POM121L2: variants seen among roughly 807,000 people sequenced by gnomAD.
POM121L2 encodes POM121 transmembrane nucleoporin like 2.
For synonymous variants in POM121L2, 459 were observed against 483.8 expected, an observed-to-expected ratio of 0.95 and a Z score of 0.67; for missense variants, 1,167 against 1,260.3, an observed-to-expected ratio of 0.93 and a Z score of 1.12.
At position 27,311,401 on chromosome 6, in the gene POM121L2, C is replaced by A; in HGVS notation, c.770G>T (p.Gly257Val). 1 of 1,551,762 alleles carries A rather than the reference C, an allele frequency of 6.4e-7. No homozygotes were observed. Among genetic ancestry groups the A allele is most frequent in the Non-Finnish European group, 8.7e-7 (1 of 1,147,012 alleles). ...ATTTCTGCAAGAGCTGTAAGAGCTG[C>A]CAATAGCATTCCTTTTGGAGCTGAG... ...GTLSSKRNAI[G>V]SSYSSCRNFS... is the part of the protein sequence containing the mutation. The change falls in exon 1 of 1, where the codon GGC (glycine) becomes GTC (valine). Residue 257 changes from glycine (G) to valine (V), a missense_variant. Coordinates refer to ENST00000444565, the MANE Select transcript of POM121L2 (RefSeq NM_033482.4).
At position 27,311,237 on chromosome 6, in the gene POM121L2, CAGATCCTCCT is replaced by C; in HGVS notation, c.66_75del (p.Gly23LysfsTer38). ...TTCTGGTTTTGCTGCCCAGAACTTT[CAGATCCTCCT>C]AGGGACTCAAAATCTGATACCAGTG... On this transcript the variant is annotated frameshift_variant, in exon 1 of 2. Transcript: ENST00000429945. LOFTEE classifies it high-confidence loss of function. 1 of 1,551,914 alleles carries C rather than the reference CAGATCCTCCT, an allele frequency of 6.4e-7. No individual in the cohort carries two copies. The highest frequency in any genetic ancestry group is 1.7e-4 in the Middle Eastern group (1 of 5,992).
At chr6:27,310,517 AAT>A in intron 1 of POM121L2, 2 of 1,552,288 alleles carry the variant, frequency 1.3e-6, no homozygotes, top group Non-Finnish European at 1.7e-6. Context: ...GAAATTCTGG[AAT>A]ATGAGGAGCT....
chr6:27,308,975 T>A lies in POM121L2; in HGVS notation c.*88A>T. On this transcript the variant is annotated 3_prime_UTR_variant, in exon 1 of 1. Transcript: ENST00000444565. ...AAGCTCCAGTTTTAGATCTGGAGTA[T>A]GTTTACTTTAGAAAATTGGAAGACA... 3.1e-6 allele frequency: 3 copies of A among 973,138 alleles called. No homozygotes were observed. The highest frequency in any genetic ancestry group is 4.5e-6 in the Non-Finnish European group (3 of 662,248). 60.3% of individuals were successfully genotyped at this position (973,138 alleles called of 1,614,324 possible). A position where few individuals can be genotyped will look rare whatever the true frequency, so the allele number is the denominator to read the frequency against.
rs1189180934 is a variant in POM121L2 at position 27,312,008 on chromosome 6, G to C, written c.163C>G (p.Pro55Ala). 2 of 1,544,180 alleles carry C rather than the reference G, an allele frequency of 1.3e-6. No homozygotes were observed. The highest frequency in any genetic ancestry group is 1.8e-6 in the Non-Finnish European group (2 of 1,142,272). The change falls in exon 1 of 1, where the codon CCT becomes GCT. Residue 55 changes from proline (P) to alanine (A), a missense_variant. Coordinates refer to ENST00000444565, the MANE Select transcript of POM121L2 (RefSeq NM_033482.4). This position sits in a 1 kb window ranked among gnomAD's most constrained non-coding sequence, Gnocchi z 6.7. ...HRAHPAPRYR[P>A]VRRRPNLDPA... Reference sequence around the variant, plus strand: ...TCCAGGTTTGGCCGCCTCCTCACAGGTCTATACCGTGGGGCAGGGTGGGCG... The same window carrying C: ...TCCAGGTTTGGCCGCCTCCTCACAGCTCTATACCGTGGGGCAGGGTGGGCG...
In POM121L2 at chr6:27,310,366, G is replaced by A. The variant is rs1166638728; in HGVS notation, c.1805C>T (p.Pro602Leu). Residue 602 changes from proline (P) to leucine (L), a missense_variant, in exon 1 of 1, where the codon CCT becomes CTT. Pro to Leu is a moderately conservative substitution (Grantham distance 98). Coordinates refer to ENST00000444565, the MANE Select transcript of POM121L2 (RefSeq NM_033482.4). The stretch of plus-strand genomic sequence containing the variant: ...GGTAGAAGCATGAGTAAATGGAGGA[G>A]GGGTCTGCTTGGAGGAGAAAGGAGC... ...MIAPFSSKQTPPPFTHASTHH... is the reference protein window; with the variant it reads ...MIAPFSSKQTLPPFTHASTHH... 5.2e-6 allele frequency: 8 copies of A among 1,552,068 alleles called. No individual in the cohort carries two copies. In the African/African-American group the frequency reaches 1.1e-4, roughly 21 times the overall value.
At position 27,311,132 on chromosome 6, in the gene POM121L2, C is replaced by T; in HGVS notation, c.1039G>A (p.Glu347Lys). 6.4e-7 allele frequency: 1 copy of T among 1,551,842 alleles called. No individual in the cohort carries two copies. Among genetic ancestry groups the T allele is most frequent in the Admixed American group, 2.0e-5 (1 of 50,994 alleles). Residue 347 changes from glutamate (E) to lysine (K), a missense_variant, in exon 1 of 1, where the codon GAG becomes AAG. Coordinates refer to ENST00000444565, the MANE Select transcript of POM121L2 (RefSeq NM_033482.4). ...GCTTTCTTCCCCAAAGTCAAGTTCT[C>T]ATCAGAGACTGCATAACCAAGCTGG... ...PPQLGYAVSDENLTLGKKAEL... is the reference protein window; with the variant it reads ...PPQLGYAVSDKNLTLGKKAEL...
chr6:27,311,678 C>T lies in POM121L2; in HGVS notation c.493G>A (p.Glu165Lys). The change falls in exon 1 of 1, where the codon GAG becomes AAG. Residue 165 changes from glutamate to lysine, a missense_variant. Transcript: ENST00000444565. ...AACCTCCCTTTCCCTTTTCTGCACT[C>T]TCTGAGGGCCCTCAACACTGTCTCC... ...SKETVLRALRECRKGKGRLEE... is the reference protein window; with the variant it reads ...SKETVLRALRKCRKGKGRLEE... 3 of 1,551,914 alleles carry T rather than the reference C, an allele frequency of 1.9e-6. No homozygotes were observed. Among genetic ancestry groups the T allele is most frequent in the Non-Finnish European group, 2.6e-6 (3 of 1,147,038 alleles).
In POM121L2 at chr6:27,310,162, G is replaced by A. The variant is rs1278582357; in HGVS notation, c.2009C>T (p.Ala670Val). 5 of 1,551,878 alleles carry A rather than the reference G, an allele frequency of 3.2e-6. No individual in the cohort carries two copies. In the East Asian group the frequency reaches 7.3e-5, roughly 23 times the overall value. ...GGTGAAGTCGGCCCTGAAGGCCTGAGCAGTCCCAAGCAGGAAAGTGTCGCA... is the reference window on the plus strand; with the variant it reads ...GGTGAAGTCGGCCCTGAAGGCCTGAACAGTCCCAAGCAGGAAAGTGTCGCA... ...STCDTFLLGT[A>V]QAFRADFTPA... is the part of the protein sequence containing the mutation. The change falls in exon 1 of 1, where the codon GCT becomes GTT. Residue 670 changes from alanine (A) to valine (V), a missense_variant. Physicochemically the swap from Ala to Val is moderately conservative, Grantham distance 64 (BLOSUM62 0). Transcript: ENST00000444565.
At position 27,309,714 on chromosome 6, in the gene POM121L2, G is replaced by T; in HGVS notation, c.2457C>A (p.Ala819=). ...PTPMPTPAQP[A]FISTTQSALG... ...AGGCTGACTGTGTGGTACTAATGAA[G>T]GCTGGCTGAGCTGGAGTTGGCATGG... is the stretch of plus-strand genomic sequence containing the variant. The change falls in exon 1 of 1, where the codon GCC becomes GCA. Residue 819 remains alanine, a synonymous_variant. Transcript: ENST00000444565. 1 of 1,551,732 alleles carries T rather than the reference G, an allele frequency of 6.4e-7. No individual in the cohort carries two copies. The highest frequency in any genetic ancestry group is 8.7e-7 in the Non-Finnish European group (1 of 1,146,998).
At position 27,309,460 on chromosome 6, in the gene POM121L2, C is replaced by T; in HGVS notation, c.2711G>A (p.Gly904Glu). ...CATGTCTGGACCAGTCATTATGATC[C>T]CAGACTCATCACAGTCCATAGGGGT... ...FVTPMDCDES[G>E]IIMTGPDMSP... Residue 904 changes from glycine (G) to glutamate (E), a missense_variant, in exon 1 of 1, where the codon GGG (glycine) becomes GAG (glutamate). By Grantham distance (98) the Gly-to-Glu change is moderately conservative. Coordinates refer to ENST00000444565, the MANE Select transcript of POM121L2 (RefSeq NM_033482.4). The T allele has an allele frequency of 6.4e-7, 1 of 1,551,602 alleles. No individual in the cohort carries two copies. The highest frequency in any genetic ancestry group is 1.4e-5 in the African/African-American group (1 of 73,144).
upstream of POM121L2, chr6:27,312,130 G>GTC: frequency 6.9e-7 from 1 of 1,457,262 alleles, no homozygotes; most frequent in Non-Finnish European, 9.1e-7. This position sits in a 1 kb window ranked among gnomAD's most constrained non-coding sequence, Gnocchi z 6.7. Flanking sequence ...CTGGGCTGGG[G>GTC]ACGAGGGCGA....
In POM121L2 at chr6:27,311,898, A is replaced by C; in HGVS notation, c.273T>G (p.Pro91=). 1 of 1,551,718 alleles carries C rather than the reference A, an allele frequency of 6.4e-7. No homozygotes were observed. Among genetic ancestry groups the C allele is most frequent in the South Asian group, 1.2e-5 (1 of 84,060 alleles). The part of the protein sequence containing the change: ...MKKSQNSPLG[P]LPSDWWESYL... ...AACTTTCCCACCAGTCTGAAGGGAGAGGCCCCAGGGGGGAATTCTGGGACT... is the reference window on the plus strand; with the variant it reads ...AACTTTCCCACCAGTCTGAAGGGAGCGGCCCCAGGGGGGAATTCTGGGACT... Residue 91 remains proline, a synonymous_variant, in exon 1 of 1, where the codon CCT becomes CCG. Coordinates refer to ENST00000444565, the MANE Select transcript of POM121L2 (RefSeq NM_033482.4).
Position 27,310,404 on chromosome 6 carries a change from A to C in POM121L2, c.1767T>G (p.Thr589=). The C allele has an allele frequency of 6.4e-7, 1 of 1,552,162 alleles. No individual in the cohort carries two copies. Reference sequence around the variant, plus strand: ...AGGAGAAAGGAGCTATCATGGGCGTAGTTTTAAGTGGATCTATGCTGCCAA... The same window carrying C: ...AGGAGAAAGGAGCTATCATGGGCGTCGTTTTAAGTGGATCTATGCTGCCAA... The part of the protein sequence containing the change: ...PIFGSIDPLK[T]TPMIAPFSSK... Residue 589 remains threonine, a synonymous_variant, in exon 1 of 1, where the codon ACT becomes ACG. Coordinates refer to ENST00000444565, the MANE Select transcript of POM121L2 (RefSeq NM_033482.4).
At position 27,310,135 on chromosome 6, in the gene POM121L2, G is replaced by C. The variant is rs1425049654; in HGVS notation, c.2036C>G (p.Pro679Arg). The change falls in exon 1 of 1, where the codon CCA becomes CGA. Residue 679 changes from proline (P) to arginine (R), a missense_variant. Physicochemically the swap from Pro to Arg is moderately radical, Grantham distance 103. Transcript: ENST00000444565. ...TAQAFRADFT[P>R]ATGFIFPPHH... ...TGGTGGGAAAATGAATCCTGTGGCT[G>C]GGGTGAAGTCGGCCCTGAAGGCCTG... 1 of 1,551,958 alleles carries C rather than the reference G, an allele frequency of 6.4e-7. No homozygotes were observed. The highest frequency in any genetic ancestry group is 2.0e-5 in the Admixed American group (1 of 51,010).
At position 27,310,999 on chromosome 6, in the gene POM121L2, G is replaced by A. The variant is rs1760737961; in HGVS notation, c.1172C>T (p.Pro391Leu). The change falls in exon 1 of 1, where the codon CCT becomes CTT. Residue 391 changes from proline to leucine, a missense_variant. Transcript: ENST00000444565. ...CTGGGTTAGATCTGTTTCTGAAGAA[G>A]GCAGAGCAAGAGACAAGGAAGGCTG... ...AIQPSLSLALPSSETDLTQGA... is the reference protein window; with the variant it reads ...AIQPSLSLALLSSETDLTQGA... 1 of 1,552,126 alleles carries A rather than the reference G, an allele frequency of 6.4e-7. No homozygotes were observed. The highest frequency in any genetic ancestry group is 2.0e-5 in the Admixed American group (1 of 50,986).
chr6:27,309,737 T>C lies in POM121L2; in HGVS notation c.2434A>G (p.Met812Val), dbSNP rs1400360289. 6.4e-7 allele frequency: 1 copy of C among 1,551,604 alleles called. No individual in the cohort carries two copies. Among genetic ancestry groups the C allele is most frequent in the Non-Finnish European group, 8.7e-7 (1 of 1,146,968 alleles). ...AAGGCTGGCTGAGCTGGAGTTGGCA[T>C]GGGGGTTGGCAATGCCACTGCTGAG... Reference protein sequence around the residue: ...GSSAVALPTPMPTPAQPAFIS... With the variant: ...GSSAVALPTPVPTPAQPAFIS... The change falls in exon 1 of 1, where the codon ATG becomes GTG. Residue 812 changes from methionine to valine, a missense_variant. Met to Val is a conservative substitution (Grantham distance 21, BLOSUM62 1). Coordinates refer to ENST00000444565, the MANE Select transcript of POM121L2 (RefSeq NM_033482.4).
chr6:27,308,742 T>C lies in POM121L2; in HGVS notation c.*321A>G, dbSNP rs1403518994. ...TGTTCTAATTGATAGACATTCAACT[T>C]ATTTGGAAAGTCTGGATATTATAGA... On this transcript the variant is annotated 3_prime_UTR_variant, in exon 1 of 1. Transcript: ENST00000444565. Among the ~76,000 whole-genome samples the C allele has an allele frequency of 6.6e-6, 1 of 152,144 alleles. No individual in the cohort carries two copies. The highest frequency in any genetic ancestry group is 6.5e-5 in the Admixed American group (1 of 15,280).
Position 27,310,617 on chromosome 6 carries a change from A to G in POM121L2, c.1554T>C (p.His518=). The G allele has an allele frequency of 1.3e-6, 2 of 1,551,846 alleles. No individual in the cohort carries two copies. The highest frequency in any genetic ancestry group is 1.2e-5 in the South Asian group (1 of 84,048). Residue 518 remains histidine (H), a synonymous_variant, in exon 1 of 1, where the codon CAT becomes CAC. Coordinates refer to ENST00000444565, the MANE Select transcript of POM121L2 (RefSeq NM_033482.4). ...CATCAGGAGGTGCAGATGCAGAAAG[A>G]TGGGATGTTGGGCTACTCACCATTC... The part of the protein sequence containing the change: ...LLGMVSSPTS[H]LSASAPPDAT...
chr6:27,311,348 G>C lies in POM121L2; in HGVS notation c.823C>G (p.Pro275Ala), dbSNP rs1266713502. Residue 275 changes from proline to alanine, a missense_variant, in exon 1 of 1, where the codon CCC (proline) becomes GCC (alanine). Physicochemically the swap from Pro to Ala is conservative, Grantham distance 27. Transcript: ENST00000444565. ...NFSDPWKRSV[P>A]SVSFETPEWP... ...TCTGGTGTCTCGAATGATACACTGG[G>C]AACACTTCTCTTCCAAGGGTCTGAG... 1.3e-6 allele frequency: 2 copies of C among 1,551,628 alleles called. No individual in the cohort carries two copies. Among genetic ancestry groups the C allele is most frequent in the Admixed American group, 3.9e-5 (2 of 51,000 alleles).
Sources: allele counts gnomAD v4.1 joint callset (sites outside exome capture counted in the v4.1 genomes callset), GRCh38; gene constraint gnomAD v4.1.1; non-coding constraint Gnocchi (gnomAD v3.1); transcripts MANE v1.5; gene names NCBI Gene and HGNC (gene_info 2026-07-23, HGNC 2026-07-21).